BMPER: variants seen among roughly 807,000 people sequenced by gnomAD.
BMPER encodes the protein BMP-binding endothelial regulator protein.
BMPER carries 45 observed loss-of-function variants against 87.3 expected under a neutral mutation model. The observed-to-expected ratio is 0.52, with a 90% CI of 0.41 to 0.66. The LOEUF (loss-of-function observed/expected upper bound fraction) is 0.66, where lower values mean the gene tolerates loss of function less well. BMPER is among the 30% of genes least tolerant of loss of function. BMPER has a pLI of 0.00. For missense variants in BMPER, 784 were observed against 867.5 expected, an observed-to-expected ratio of 0.90 and a Z score of 1.21; for synonymous variants, 326 against 316.2, an observed-to-expected ratio of 1.03 and a Z score of -0.33.
chr7:34,125,191 G>A (rs1040581909), intron 13 of BMPER, among the ~76,000 whole-genome samples: 16 of 152,038 alleles, frequency 1.1e-4, no homozygotes, highest in Admixed American at 2.6e-4. Context: ...AACTACTTAC[G>A]CCATATAAAA....
intron 13 of BMPER, among the ~76,000 whole-genome samples, chr7:34,102,309 T>G (rs538927864): frequency 1.3e-4 from 20 of 152,326 alleles, no homozygotes; most frequent in African/African-American, 4.6e-4. Flanking sequence ...TGGTTCTGAT[T>G]GGGGCTGTCG....
At chr7:33,918,304 AC>A (rs1442801064) in intron 2 of BMPER, among the ~76,000 whole-genome samples, 6 of 151,992 alleles carry the variant, frequency 3.9e-5, no homozygotes, top group Non-Finnish European at 8.8e-5. Context: ...ATACTGGGGG[AC>A]CCAGTTTCCA....
At chr7:34,083,780 A>C (rs1789118755) in intron 12 of BMPER, among the ~76,000 whole-genome samples, 1 of 151,614 alleles carries the variant, frequency 6.6e-6, no homozygotes, top group Non-Finnish European at 1.5e-5. Context: ...TCTAGACAAG[A>C]TCCTCTCTCT....
At chr7:33,966,994 A>C (rs534553966) in intron 4 of BMPER, among the ~76,000 whole-genome samples, 4 of 152,228 alleles carry the variant, frequency 2.6e-5, no homozygotes, top group Non-Finnish European at 5.9e-5. Flanking sequence ...ACATTGAAGC[A>C]ATTAGTATAC....
chr7:34,126,743 A>T (rs1790411347), intron 13 of BMPER, among the ~76,000 whole-genome samples: 1 of 152,104 alleles, frequency 6.6e-6, no homozygotes, highest in African/African-American at 2.4e-5. Flanking sequence ...TCACCTTTTA[A>T]ATTTCTTGTT....
intron 11 of BMPER, among the ~76,000 whole-genome samples, chr7:34,067,926 C>G (rs1420265200): frequency 6.6e-6 from 1 of 152,192 alleles, no homozygotes; most frequent in Non-Finnish European, 1.5e-5. Flanking sequence ...TTAGGAATCA[C>G]CTTTTCTCTA....
At chr7:34,082,785 A>G (rs1789088956) in intron 12 of BMPER, among the ~76,000 whole-genome samples, 1 of 152,210 alleles carries the variant, frequency 6.6e-6, no homozygotes, top group South Asian at 2.1e-4. Context: ...AAGACGTTGG[A>G]AATCCCTGGT....
intron 4 of BMPER, among the ~76,000 whole-genome samples, chr7:33,968,222 T>C (rs939618513): frequency 7.2e-5 from 11 of 152,186 alleles, no homozygotes; most frequent in South Asian, 2.1e-4. Flanking sequence ...TCCTCCTTTC[T>C]AAAACCTTGC....
At chr7:34,032,629 G>A (rs919475482) in intron 6 of BMPER, among the ~76,000 whole-genome samples, 2 of 152,092 alleles carry the variant, frequency 1.3e-5, no homozygotes, top group South Asian at 2.1e-4. Context: ...TTTGGAGTTC[G>A]GAATGTTTGA....
intron 13 of BMPER, among the ~76,000 whole-genome samples, chr7:34,133,830 C>G (rs1413187170): frequency 6.6e-6 from 1 of 152,038 alleles, no homozygotes. Context: ...GTTTTGGTGA[C>G]CGAAGCTTTC....
At chr7:34,102,726 G>A (rs12539180) in intron 13 of BMPER, among the ~76,000 whole-genome samples, 82,595 of 151,960 alleles carry the variant, frequency 0.54, 23,464 homozygotes, top group Admixed American at 0.69. Context: ...TGCACCAGAC[G>A]CTCTGCTAGG....
chr7:33,945,957 G>T (rs1005582165), intron 3 of BMPER, among the ~76,000 whole-genome samples: 1 of 152,128 alleles, frequency 6.6e-6, no homozygotes, highest in Non-Finnish European at 1.5e-5. Context: ...TGGTTGGGAA[G>T]TTCTCTGGGG....
chr7:34,018,902 G>A (rs1382509729), intron 6 of BMPER, among the ~76,000 whole-genome samples: 1 of 151,946 alleles, frequency 6.6e-6, no homozygotes, highest in East Asian at 1.9e-4. Flanking sequence ...AATTGAAATG[G>A]GCTGCTTGCC....
At position 34,039,070 on chromosome 7, in the gene BMPER, C is replaced by G. The variant is rs114746340; in HGVS notation, c.577-7236C>G. Among the ~76,000 whole-genome samples the G allele has an allele frequency of 2.5e-3, 380 of 152,282 alleles. 1 individual carries two copies. Among genetic ancestry groups the G allele is most frequent in the African/African-American group, 8.8e-3 (364 of 41,564 alleles). On this transcript the variant is annotated intron_variant, in intron 6 of 14. Transcript: ENST00000649409. ...CTGAAGAAAAGTGGCTTCCAGCCAC[C>G]AGGGAAGTGAATTGAGGCCTGTTCT...
intron 12 of BMPER, among the ~76,000 whole-genome samples, chr7:34,081,475 G>T (rs1009202151): frequency 1.3e-5 from 2 of 152,244 alleles, no homozygotes; most frequent in Non-Finnish European, 2.9e-5. Context: ...ATTTGGCAGG[G>T]TAACACAGGT....
intron 12 of BMPER, among the ~76,000 whole-genome samples, chr7:34,084,001 T>TAA (rs57825100): frequency 1.2e-3 from 152 of 122,738 alleles, no homozygotes; most frequent in Non-Finnish European, 2.0e-3. Flanking sequence ...AGGAAAGATT[T>TAA]AAAAAAAAAA....
chr7:34,100,803 G>C (rs1229810012), intron 13 of BMPER, among the ~76,000 whole-genome samples: 1 of 152,116 alleles, frequency 6.6e-6, no homozygotes, highest in Non-Finnish European at 1.5e-5. Flanking sequence ...ATGTTCCTTT[G>C]CAGAATACAT....
chr7:33,920,533 C>T (rs1385133029), intron 2 of BMPER, among the ~76,000 whole-genome samples: 1 of 141,316 alleles, frequency 7.1e-6, no homozygotes, highest in Non-Finnish European at 1.5e-5. Flanking sequence ...TCAAGTGATT[C>T]TCCTGCCTCA....
chr7:34,147,100 CTGTAGCATA>C (rs1791047813), intron 14 of BMPER, among the ~76,000 whole-genome samples: 4 of 152,156 alleles, frequency 2.6e-5, no homozygotes, highest in South Asian at 2.1e-4. Flanking sequence ...TTTTGTCTTT[CTGTAGCATA>C]ACGGATGGTT....
Sources: gnomAD v4.1 joint callset for allele counts (sites outside exome capture counted in the v4.1 genomes callset) on GRCh38, gnomAD v4.1.1 for gene constraint, MANE v1.5 for transcripts, NCBI Gene and HGNC (gene_info 2026-07-23, HGNC 2026-07-21) for gene names.